Variants in STK32C observed in about 807,000 individuals in gnomAD.
The protein encoded by STK32C is serine/threonine-protein kinase 32C.
STK32C carries 31 observed loss-of-function variants against 56.5 expected under a neutral mutation model. The ratio of observed to expected loss-of-function variants is 0.55; its 90% CI spans 0.41 to 0.74. The LOEUF is 0.74. STK32C is among the 30% of genes least tolerant of loss of function. The pLI, the probability that STK32C is intolerant of heterozygous loss-of-function variation, is 0.00. For missense variants in STK32C, 544 were observed against 676.9 expected, an observed-to-expected ratio of 0.80 and a Z score of 2.18; for synonymous variants, 309 against 289.4, an observed-to-expected ratio of 1.07 and a Z score of -0.69.
intron 2 of STK32C, among the ~76,000 whole-genome samples, chr10:132,233,704 A>G (rs1226758545): frequency 1.3e-5 from 2 of 152,210 alleles, no homozygotes; most frequent in Non-Finnish European, 2.9e-5. Flanking sequence ...CCCATGCCCT[A>G]TGGCTGTCAG....
At chr10:132,273,536 T>C (rs1465635592) in intron 1 of STK32C, among the ~76,000 whole-genome samples, 1 of 151,932 alleles carries the variant, frequency 6.6e-6, no homozygotes, top group African/African-American at 2.4e-5. Context: ...AGTTAGCAAA[T>C]GAGTAAATGA....
intron 1 of STK32C, among the ~76,000 whole-genome samples, chr10:132,275,605 C>T (rs1418698552): frequency 6.6e-6 from 1 of 152,248 alleles, no homozygotes; most frequent in African/African-American, 2.4e-5. Flanking sequence ...GGTCACAGCA[C>T]AGCCAGGCCA....
rs1590182915 is a variant in STK32C, at chr10:132,227,031, A to G, written c.471-63T>C. On this transcript the variant is annotated intron_variant, in intron 3 of 11. Coordinates refer to ENST00000298630, the MANE Select transcript of STK32C (RefSeq NM_173575.4). ...TGGGGAGCCAGTCATGGCTGCTCCC[A>G]CAGCTGACACACTCCCCCTAAGGAC... 1.3e-6 allele frequency: 2 copies of G among 1,566,066 alleles called. 1 individual carries two copies.
intron 1 of STK32C, among the ~76,000 whole-genome samples, chr10:132,261,154 G>A (rs56664356): frequency 5.7e-3 from 727 of 127,516 alleles, no homozygotes; most frequent in African/African-American, 0.017. Flanking sequence ...CGGAGGACTC[G>A]GGGACTACGA....
intron 10 of STK32C, among the ~76,000 whole-genome samples, chr10:132,219,693 C>T (rs1490835905): frequency 2.6e-5 from 4 of 152,138 alleles, no homozygotes; most frequent in Non-Finnish European, 5.9e-5. Flanking sequence ...CCCAGGGCTG[C>T]CGGCAGCCGT....
At chr10:132,276,700 T>C (rs60182469) in intron 1 of STK32C, among the ~76,000 whole-genome samples, 21,058 of 151,970 alleles carry the variant, frequency 0.14, 2,602 homozygotes, top group African/African-American at 0.34. Context: ...GGCGGGAGGA[T>C]TGCTTGAGCC....
intron 10 of STK32C, among the ~76,000 whole-genome samples, chr10:132,221,600 AGTGT>A (rs2062656117): frequency 7.2e-6 from 1 of 139,176 alleles, no homozygotes; most frequent in Non-Finnish European, 1.5e-5. Context: ...CACCTGGGTG[AGTGT>A]GAGGGCTTCA....
chr10:132,276,895 T>C (rs1043421006), intron 1 of STK32C, among the ~76,000 whole-genome samples: 1 of 152,156 alleles, frequency 6.6e-6, no homozygotes, highest in Non-Finnish European at 1.5e-5. Flanking sequence ...TCCCCAGGGC[T>C]CGAGGCCGTG....
chr10:132,309,241 A>G (rs1230050822), upstream of STK32C, among the ~76,000 whole-genome samples: 1 of 152,078 alleles, frequency 6.6e-6, no homozygotes. Context: ...AAATGTGAGC[A>G]CGGGAAGTCT....
Position 132,264,182 on chromosome 10 carries a change from A to G in STK32C, c.263-18227T>C, listed in dbSNP as rs527616775. Among the ~76,000 whole-genome samples, 8 of 152,344 alleles carry G rather than the reference A, an allele frequency of 5.3e-5. No individual in the cohort carries two copies. The South Asian group carries it at 1.4e-3, about 28-fold the overall frequency. On this transcript the variant is annotated intron_variant, in intron 1 of 11. Coordinates refer to ENST00000298630, the MANE Select transcript of STK32C (RefSeq NM_173575.4). ...GTGGTGTGAAGAGTATGTTCTCAACATTGTCAATGCACTAAACACCACGGA... is the reference window on the plus strand; with the variant it reads ...GTGGTGTGAAGAGTATGTTCTCAACGTTGTCAATGCACTAAACACCACGGA...
intron 1 of STK32C, among the ~76,000 whole-genome samples, chr10:132,302,081 C>T (rs996058468): frequency 1.3e-5 from 2 of 152,084 alleles, no homozygotes; most frequent in Admixed American, 6.5e-5. Context: ...ACTGGGGGTC[C>T]GGGACAGGCA....
Position 132,214,389 on chromosome 10 carries a change from T to A in STK32C, c.1252-5288A>T, listed in dbSNP as rs117295371. Among the ~76,000 whole-genome samples, 614 of 152,322 alleles carry A rather than the reference T, an allele frequency of 4.0e-3. 2 individuals are homozygous for A. The highest frequency in any genetic ancestry group is 0.02 in the Middle Eastern group (6 of 294). ...TTTAAAGTGTTGAAAGTAAAAAACC[T>A]ACCAATCTAGAATTCTATATCCAGT... On this transcript the variant is annotated intron_variant, in intron 10 of 11. Transcript: ENST00000298630.
At chr10:132,283,110 G>A (rs550125612) in intron 1 of STK32C, among the ~76,000 whole-genome samples, 3 of 152,368 alleles carry the variant, frequency 2.0e-5, no homozygotes, top group East Asian at 1.9e-4. Context: ...AGGGAGAGGC[G>A]TGTGCACCTC....
chr10:132,229,727 CT>C (rs1479380349), intron 2 of STK32C, among the ~76,000 whole-genome samples: 3 of 152,094 alleles, frequency 2.0e-5, no homozygotes, highest in Non-Finnish European at 4.4e-5. Flanking sequence ...AGACTCAGTC[CT>C]TTTGTGAAGC....
chr10:132,242,431 G>A (rs540985571), intron 2 of STK32C, among the ~76,000 whole-genome samples: 4 of 152,112 alleles, frequency 2.6e-5, no homozygotes, highest in Non-Finnish European at 5.9e-5. Flanking sequence ...CTGAGGTTGG[G>A]GGGGCTCTCT....
intron 1 of STK32C, among the ~76,000 whole-genome samples, chr10:132,281,178 GACACACACACACACACACACAC>G (rs10556901): frequency 6.7e-5 from 10 of 149,330 alleles, no homozygotes; most frequent in Non-Finnish European, 1.0e-4. Flanking sequence ...GATCCTCGTG[GACACACACACACACACACACAC>G]ACACACACAC....
chr10:132,328,859 G>A (rs938698474), intron 1 of STK32C, among the ~76,000 whole-genome samples: 1 of 152,248 alleles, frequency 6.6e-6, no homozygotes, highest in Admixed American at 6.5e-5. Flanking sequence ...CTCCAGGACT[G>A]GATCTACAGT....
intron 2 of STK32C, among the ~76,000 whole-genome samples, chr10:132,238,994 G>A (rs1223939120): frequency 3.9e-5 from 6 of 152,158 alleles, no homozygotes; most frequent in Admixed American, 2.6e-4. Flanking sequence ...TGAAACCCTC[G>A]CCCTGGGCCA....
intron 1 of STK32C, among the ~76,000 whole-genome samples, chr10:132,253,622 G>GGAGGGAGCC (rs1554986502): frequency 6.7e-6 from 1 of 148,884 alleles, no homozygotes; most frequent in African/African-American, 2.5e-5. Flanking sequence ...CGAGGGAGCT[G>GGAGGGAGCC]GAGGGAGCTG....
Sources: allele counts gnomAD v4.1 joint callset (sites outside exome capture counted in the v4.1 genomes callset), GRCh38; gene constraint gnomAD v4.1.1; transcripts MANE v1.5; gene names NCBI Gene and HGNC (gene_info 2026-07-23, HGNC 2026-07-21).